Variants in TENM3 observed in about 807,000 individuals in gnomAD.
TENM3 encodes teneurin transmembrane protein 3.
Under a neutral mutation model 255.1 loss-of-function variants are expected in TENM3, and 63 were observed. The ratio of observed to expected loss-of-function variants is 0.25; its 90% confidence interval spans 0.20 to 0.30. The LOEUF is 0.30. Ranked by LOEUF, TENM3 falls within the 10% of genes least tolerant of loss-of-function variation. TENM3 has a pLI of 1.00. For synonymous variants in TENM3, 1,306 were observed against 1,322.3 expected, an observed-to-expected ratio of 0.99 and a Z score of 0.27; for missense variants, 2,929 against 3,461.1, an observed-to-expected ratio of 0.85 and a Z score of 3.86.
chr4:181,873,304 G>C, the TENM3 span, among the ~76,000 whole-genome samples: 2 of 152,076 alleles, frequency 1.3e-5, no homozygotes, highest in Non-Finnish European at 2.9e-5. Context: ...TCTGACCTCA[G>C]GTGATCTGCC....
At chr4:181,822,454 G>A in the TENM3 span, among the ~76,000 whole-genome samples, 14 of 152,108 alleles carry the variant, frequency 9.2e-5, no homozygotes, top group Non-Finnish European at 1.9e-4. Flanking sequence ...TATTTAAGGA[G>A]AGAGTGTTAT....
At chr4:181,715,088 G>A in the TENM3 span, among the ~76,000 whole-genome samples, 17 of 152,282 alleles carry the variant, frequency 1.1e-4, no homozygotes, top group South Asian at 6.2e-4. Context: ...TTAATTATAC[G>A]TGGTAGAGCA....
intron 3 of TENM3, among the ~76,000 whole-genome samples, chr4:182,555,700 G>A (rs1031598439): frequency 6.6e-6 from 1 of 151,842 alleles, no homozygotes; most frequent in African/African-American, 2.4e-5. Flanking sequence ...CATTTATATG[G>A]GTTTTAAATT....
intron 1 of TENM3, among the ~76,000 whole-genome samples, chr4:182,270,030 G>A (rs1759512463): frequency 1.3e-5 from 2 of 152,180 alleles, no homozygotes; most frequent in Non-Finnish European, 2.9e-5. Flanking sequence ...TTGTCTAATT[G>A]GCAATTGGTT....
chr4:181,690,457 C>T, the TENM3 span, among the ~76,000 whole-genome samples: 3 of 152,144 alleles, frequency 2.0e-5, no homozygotes, highest in Admixed American at 2.0e-4. Flanking sequence ...GGATATATAA[C>T]TGAGGTAGGC....
intron 1 of TENM3, among the ~76,000 whole-genome samples, chr4:182,195,052 CACACACACACACACACTT>C (rs1158587913): frequency 2.0e-5 from 3 of 151,916 alleles, no homozygotes; most frequent in Non-Finnish European, 2.9e-5. Flanking sequence ...CACACACACA[CACACACACACACACACTT>C]ATATATTCAG....
At chr4:181,870,114 C>T in the TENM3 span, among the ~76,000 whole-genome samples, 3 of 152,218 alleles carry the variant, frequency 2.0e-5, no homozygotes, top group South Asian at 2.1e-4. Flanking sequence ...TTTCATTCAA[C>T]GTGATGTTTT....
the TENM3 span, among the ~76,000 whole-genome samples, chr4:181,531,869 G>C: frequency 6.6e-6 from 1 of 152,178 alleles, no homozygotes; most frequent in Admixed American, 6.5e-5. Flanking sequence ...CTGCAGTGCT[G>C]GTGCTTAGTT....
At chr4:182,610,660 G>T (rs1748902389) in intron 4 of TENM3, among the ~76,000 whole-genome samples, 1 of 151,968 alleles carries the variant, frequency 6.6e-6, no homozygotes, top group African/African-American at 2.4e-5. Context: ...TCCAGCCTGG[G>T]CAACAAAGTG....
intron 1 of TENM3, among the ~76,000 whole-genome samples, chr4:182,192,136 T>A (rs547923319): frequency 1.3e-5 from 2 of 152,030 alleles, no homozygotes; most frequent in African/African-American, 4.8e-5. Context: ...CCACAAAGAG[T>A]CTGATTGGAA....
chr4:181,789,407 C>T, the TENM3 span, among the ~76,000 whole-genome samples: 1 of 151,962 alleles, frequency 6.6e-6, no homozygotes, highest in East Asian at 2.0e-4. Flanking sequence ...CAGGCATGCA[C>T]CACCATGCCC....
chr4:181,533,736 T>TAAAA, the TENM3 span, among the ~76,000 whole-genome samples: 232 of 144,014 alleles, frequency 1.6e-3, no homozygotes, highest in African/African-American at 5.6e-3. Context: ...GCCTTTAAAT[T>TAAAA]AAAAAAAAAA....
At chr4:182,465,436 A>G (rs1481214018) in intron 3 of TENM3, among the ~76,000 whole-genome samples, 1 of 152,146 alleles carries the variant, frequency 6.6e-6, no homozygotes, top group Admixed American at 6.5e-5. Flanking sequence ...GAATGAGGAA[A>G]CATGCCTTAG....
At chr4:182,590,672 A>G (rs976892117) in intron 3 of TENM3, among the ~76,000 whole-genome samples, 14 of 151,984 alleles carry the variant, frequency 9.2e-5, no homozygotes, top group Admixed American at 2.6e-4. Context: ...ATCCTGGCCA[A>G]CATGGTGAAA....
chr4:181,645,568 GA>G, the TENM3 span, among the ~76,000 whole-genome samples: 1 of 152,152 alleles, frequency 6.6e-6, no homozygotes, highest in Non-Finnish European at 1.5e-5. Context: ...TACTATTGTT[GA>G]AGGTGAAATG....
chr4:181,667,235 C>T, the TENM3 span, among the ~76,000 whole-genome samples: 1 of 152,064 alleles, frequency 6.6e-6, no homozygotes, highest in Non-Finnish European at 1.5e-5. Flanking sequence ...TCCATTAATT[C>T]CTACTTTCAG....
chr4:182,349,994 C>A, intron 3 of TENM3: 1 of 158,866 alleles, frequency 6.3e-6, no homozygotes, highest in South Asian at 1.6e-4. Flanking sequence ...TGACTGTTTT[C>A]TTCATTTGAA....
the TENM3 span, among the ~76,000 whole-genome samples, chr4:181,884,872 T>G: frequency 1.3e-5 from 2 of 152,160 alleles, no homozygotes; most frequent in African/African-American, 4.8e-5. Context: ...TATTATGATT[T>G]GATTTGAGAC....
At chr4:182,480,033 G>A (rs1157267931) in intron 3 of TENM3, among the ~76,000 whole-genome samples, 1 of 151,624 alleles carries the variant, frequency 6.6e-6, no homozygotes, top group East Asian at 1.9e-4. Context: ...ATTCTTCCTT[G>A]GGTATGATGG....
Sources: gnomAD v4.1 joint callset for allele counts (sites outside exome capture counted in the v4.1 genomes callset) on GRCh38, gnomAD v4.1.1 for gene constraint, MANE v1.5 for transcripts, NCBI Gene and HGNC (gene_info 2026-07-23, HGNC 2026-07-21) for gene names.